HMGCLL1: variants seen among roughly 807,000 people sequenced by gnomAD.
HMGCLL1 encodes the protein 3-hydroxymethyl-3-methylglutaryl-CoA lyase, cytoplasmic.
A neutral mutation model predicts 39.1 loss-of-function variants in HMGCLL1; 36 were observed. That is an observed-to-expected ratio of 0.92 (90% CI 0.71 to 1.22). HMGCLL1 has a LOEUF of 1.22. Ranked by LOEUF, HMGCLL1 falls within the 50% of genes most tolerant of loss-of-function variation. HMGCLL1 has a pLI of 0.00. For synonymous variants in HMGCLL1, 149 were observed against 144.0 expected, an observed-to-expected ratio of 1.03 and a Z score of -0.25; for missense variants, 451 against 416.5, an observed-to-expected ratio of 1.08 and a Z score of -0.72.
chr6:55,468,773 C>CT (rs1369684574), intron 7 of HMGCLL1, among the ~76,000 whole-genome samples: 1 of 151,854 alleles, frequency 6.6e-6, no homozygotes, highest in Non-Finnish European at 1.5e-5. Context: ...AGAGGCAGTG[C>CT]TTGTAACTAC....
intron 3 of HMGCLL1, among the ~76,000 whole-genome samples, chr6:55,530,421 T>C (rs1300764771): frequency 2.0e-5 from 3 of 151,998 alleles, no homozygotes; most frequent in Non-Finnish European, 1.5e-5. Context: ...CTAATATCCA[T>C]AGATGTTATA....
the HMGCLL1 span, among the ~76,000 whole-genome samples, chr6:55,651,949 A>G: frequency 5.3e-5 from 8 of 152,032 alleles, no homozygotes; most frequent in Admixed American, 2.0e-4. Context: ...TCTTTGGGTC[A>G]CGTGGCTGCA....
intron 1 of HMGCLL1, among the ~76,000 whole-genome samples, chr6:55,554,436 A>G (rs4501434): frequency 0.58 from 88,287 of 151,638 alleles, 25,626 homozygotes; most frequent in Admixed American, 0.65. Flanking sequence ...TAAGGTTTGA[A>G]TTGACCTACA....
At chr6:55,661,145 TTTTTGCTCACTCTATAGG>T in the HMGCLL1 span, among the ~76,000 whole-genome samples, 7 of 152,040 alleles carry the variant, frequency 4.6e-5, no homozygotes, top group East Asian at 1.9e-4. Context: ...TTTGCAAATA[TTTTTGCTCACTCTATAGG>T]TTGTCTATTC....
intron 1 of HMGCLL1, among the ~76,000 whole-genome samples, chr6:55,543,477 A>G (rs373827174): frequency 0.21 from 2,095 of 10,012 alleles, 65 homozygotes; most frequent in Non-Finnish European, 0.26. Context: ...TATCATATAT[A>G]ATATATATAT....
chr6:55,455,698 G>C (rs935357502), intron 7 of HMGCLL1, among the ~76,000 whole-genome samples: 2 of 152,064 alleles, frequency 1.3e-5, no homozygotes, highest in Non-Finnish European at 2.9e-5. Flanking sequence ...TGATTATGGG[G>C]GATAACTCTC....
intron 1 of HMGCLL1, among the ~76,000 whole-genome samples, chr6:55,551,902 A>G (rs1188001780): frequency 6.6e-6 from 1 of 151,938 alleles, no homozygotes; most frequent in African/African-American, 2.4e-5. Flanking sequence ...ACAACAGCAG[A>G]TTTTATAGAA....
intron 3 of HMGCLL1, among the ~76,000 whole-genome samples, chr6:55,530,370 C>T (rs1453247267): frequency 6.6e-6 from 1 of 151,838 alleles, no homozygotes; most frequent in Non-Finnish European, 1.5e-5. Flanking sequence ...AAATAAATAG[C>T]ATTCTTCAAA....
the HMGCLL1 span, among the ~76,000 whole-genome samples, chr6:55,604,399 T>G: frequency 6.6e-6 from 1 of 152,190 alleles, no homozygotes; most frequent in African/African-American, 2.4e-5. Flanking sequence ...TAGGTCTTAA[T>G]ATTGAATTTA....
At chr6:55,654,676 C>T in the HMGCLL1 span, among the ~76,000 whole-genome samples, 2 of 151,752 alleles carry the variant, frequency 1.3e-5, no homozygotes, top group African/African-American at 4.8e-5. Context: ...ACTTACTGTC[C>T]AAATGGGTAC....
chr6:55,643,297 AC>A, the HMGCLL1 span, among the ~76,000 whole-genome samples: 1 of 151,974 alleles, frequency 6.6e-6, no homozygotes, highest in Non-Finnish European at 1.5e-5. Flanking sequence ...AACCTTGTCA[AC>A]ATGTTATTTT....
In HMGCLL1 at chr6:55,481,482, G is replaced by A. The variant is rs1218944825; in HGVS notation, c.795+13937C>T. On this transcript the variant is annotated intron_variant, in intron 7 of 8. Transcript: ENST00000274901. ...ATTTATCCTTATAAAATTATGTATT[G>A]TATGCCTGAATCAAAATATCTCATG... is the stretch of plus-strand genomic sequence containing the variant. Among the ~76,000 whole-genome samples, 6 of 151,928 alleles carry A rather than the reference G, an allele frequency of 3.9e-5. No individual in the cohort carries two copies. In the South Asian group the frequency reaches 8.3e-4, roughly 21 times the overall value.
the HMGCLL1 span, among the ~76,000 whole-genome samples, chr6:55,608,085 T>TAA: frequency 1.3e-5 from 2 of 152,182 alleles, no homozygotes; most frequent in African/African-American, 4.8e-5. Context: ...AATTTGCCTC[T>TAA]TATATTAGTA....
intron 3 of HMGCLL1, among the ~76,000 whole-genome samples, chr6:55,541,441 C>T (rs560141226): frequency 4.6e-5 from 7 of 152,086 alleles, no homozygotes; most frequent in Admixed American, 1.3e-4. Context: ...TTTAGAAAGT[C>T]AGCCATAAAA....
chr6:55,436,620 T>G (rs1169980822), intron 8 of HMGCLL1, among the ~76,000 whole-genome samples: 1 of 152,004 alleles, frequency 6.6e-6, no homozygotes, highest in African/African-American at 2.4e-5. Flanking sequence ...AGAAACAATG[T>G]GGGCTTAAAA....
intron 1 of HMGCLL1, among the ~76,000 whole-genome samples, chr6:55,544,515 C>A (rs1321883630): frequency 6.6e-6 from 1 of 152,070 alleles, no homozygotes; most frequent in Non-Finnish European, 1.5e-5. Flanking sequence ...CTTGTTTTTG[C>A]CTTTTATCAG....
chr6:55,640,768 A>T, the HMGCLL1 span, among the ~76,000 whole-genome samples: 1 of 151,500 alleles, frequency 6.6e-6, no homozygotes, highest in Non-Finnish European at 1.5e-5. Context: ...TATTTTATGT[A>T]TTATATATAC....
At chr6:55,464,480 T>C (rs1391475232) in intron 7 of HMGCLL1, among the ~76,000 whole-genome samples, 1 of 152,202 alleles carries the variant, frequency 6.6e-6, no homozygotes, top group Non-Finnish European at 1.5e-5. Flanking sequence ...TATAACCTAC[T>C]ACCAAGTTCT....
At chr6:55,600,124 G>A in the HMGCLL1 span, among the ~76,000 whole-genome samples, 1 of 151,932 alleles carries the variant, frequency 6.6e-6, no homozygotes, top group Non-Finnish European at 1.5e-5. Flanking sequence ...AACAAATGTA[G>A]TTGAGAGAAT....
Sources: gnomAD v4.1 joint callset for allele counts (sites outside exome capture counted in the v4.1 genomes callset) on GRCh38, gnomAD v4.1.1 for gene constraint, MANE v1.5 for transcripts, NCBI Gene and HGNC (gene_info 2026-07-23, HGNC 2026-07-21) for gene names.